The following KCNH8 variants were observed in gnomAD, a reference collection of about 807,000 sequenced individuals.
The protein encoded by KCNH8 is potassium voltage-gated channel subfamily H member 8.
KCNH8 carries 70 observed loss-of-function variants against 103.6 expected under a neutral mutation model. The observed-to-expected ratio is 0.68, with a 90% CI of 0.56 to 0.82. KCNH8 has a LOEUF of 0.82. KCNH8 is among the 40% of genes least tolerant of loss of function. The pLI is 0.00. For missense variants in KCNH8, 1,217 were observed against 1,329.9 expected, an observed-to-expected ratio of 0.92 and a Z score of 1.32; for synonymous variants, 498 against 489.4, an observed-to-expected ratio of 1.02 and a Z score of -0.23.
intron 11 of KCNH8, among the ~76,000 whole-genome samples, chr3:19,473,024 G>A (rs982422939): frequency 6.6e-6 from 1 of 152,068 alleles, no homozygotes; most frequent in Non-Finnish European, 1.5e-5. Context: ...TGGGAGTTCG[G>A]ATTATTTTTT....
chr3:19,345,225 A>G (rs1397524649), intron 4 of KCNH8, among the ~76,000 whole-genome samples: 1 of 152,088 alleles, frequency 6.6e-6, no homozygotes, highest in African/African-American at 2.4e-5. Context: ...ATCACACTAG[A>G]GCCTTGAAAA....
chr3:19,416,323 T>C (rs1328960530), intron 7 of KCNH8, among the ~76,000 whole-genome samples: 2 of 152,262 alleles, frequency 1.3e-5, no homozygotes, highest in East Asian at 1.9e-4. Context: ...TAAGACCTTA[T>C]TATTTTCTAA....
chr3:19,266,754 G>A (rs952415564), intron 2 of KCNH8, among the ~76,000 whole-genome samples: 3 of 152,104 alleles, frequency 2.0e-5, no homozygotes, highest in South Asian at 2.1e-4. Flanking sequence ...TGTTGTATAC[G>A]TCTCCCTATA....
chr3:19,444,337 T>G (rs2067330500), intron 8 of KCNH8, among the ~76,000 whole-genome samples: 1 of 151,996 alleles, frequency 6.6e-6, no homozygotes, highest in African/African-American at 2.4e-5. Context: ...CTCTTAAAAC[T>G]GTACATAAAA....
intron 5 of KCNH8, among the ~76,000 whole-genome samples, chr3:19,378,811 C>A (rs1266787774): frequency 6.6e-6 from 1 of 152,190 alleles, no homozygotes; most frequent in East Asian, 1.9e-4. Flanking sequence ...CCTTTACTCA[C>A]AAACTTCAGA....
At chr3:19,374,161 C>A (rs1406824525) in intron 5 of KCNH8, among the ~76,000 whole-genome samples, 1 of 150,206 alleles carries the variant, frequency 6.7e-6, no homozygotes, top group Non-Finnish European at 1.5e-5. Context: ...TCCTGGGTAT[C>A]CTTGTTGACT....
intron 2 of KCNH8, among the ~76,000 whole-genome samples, chr3:19,254,283 C>G (rs985676127): frequency 1.6e-4 from 24 of 151,878 alleles, no homozygotes; most frequent in Non-Finnish European, 1.0e-4. Context: ...CATCTCAATT[C>G]CAGTCATTAA....
chr3:19,316,841 T>G (rs1427189527), intron 3 of KCNH8, among the ~76,000 whole-genome samples: 1 of 151,974 alleles, frequency 6.6e-6, no homozygotes, highest in Admixed American at 6.6e-5. Context: ...TACTTTTCCT[T>G]AAGGTCAAGA....
intron 3 of KCNH8, among the ~76,000 whole-genome samples, chr3:19,338,327 T>C (rs144304552): frequency 1.7e-3 from 255 of 152,114 alleles, no homozygotes; most frequent in Middle Eastern, 6.8e-3. Flanking sequence ...CTCGACCCTA[T>C]CTTATTAACA....
chr3:19,372,924 C>T (rs536861569), intron 5 of KCNH8, among the ~76,000 whole-genome samples: 112 of 151,944 alleles, frequency 7.4e-4, no homozygotes, highest in Non-Finnish European at 1.2e-3. Context: ...TATTGATTTG[C>T]GTATATTGAA....
chr3:19,439,373 A>C lies in KCNH8; in HGVS notation c.1375+1012A>C, dbSNP rs567859948. ...TATTCTGTTTAACTAAGAGACAGCTATGATTCATAAATATACATAAAGTCT... is the reference window on the plus strand; with the variant it reads ...TATTCTGTTTAACTAAGAGACAGCTCTGATTCATAAATATACATAAAGTCT... On this transcript the variant is annotated intron_variant, in intron 8 of 15. Transcript: ENST00000328405. Among the ~76,000 whole-genome samples, 21 of 152,346 alleles carry C rather than the reference A, an allele frequency of 1.4e-4. 1 individual carries two copies. In the South Asian group the frequency reaches 4.3e-3, roughly 32 times the overall value.
intron 3 of KCNH8, among the ~76,000 whole-genome samples, chr3:19,301,846 G>A (rs949404713): frequency 5.9e-5 from 9 of 152,126 alleles, no homozygotes; most frequent in Non-Finnish European, 1.3e-4. Context: ...ATAGCTACTC[G>A]GAGAACTCAG....
chr3:19,207,113 A>G (rs1033284431), intron 1 of KCNH8, among the ~76,000 whole-genome samples: 1 of 151,966 alleles, frequency 6.6e-6, no homozygotes, highest in East Asian at 1.9e-4. Flanking sequence ...GGTGTGTAGA[A>G]AAGCAAAACA....
rs1467506707 is a variant in KCNH8 at position 19,535,131 on chromosome 3, A to G, written c.*1032A>G. The G allele has an allele frequency of 6.6e-6, 1 of 152,172 alleles. No individual in the cohort carries two copies. The highest frequency in any genetic ancestry group is 1.5e-5 in the Non-Finnish European group (1 of 68,024). The allele number at this position is 152,172 out of a possible 1,614,324, so 9.4% of individuals were successfully genotyped here. A position where few individuals can be genotyped will look rare whatever the true frequency, so the allele number is the denominator to read the frequency against. On this transcript the variant is annotated 3_prime_UTR_variant, in exon 16 of 16. Transcript: ENST00000328405. ...AAGAATCCAAAATGGGTCTGTGGAC[A>G]TAGGGCAATTTGGGGCTCAAAGTGA...
At chr3:19,498,306 C>G (rs557051364) in intron 11 of KCNH8, among the ~76,000 whole-genome samples, 3 of 152,044 alleles carry the variant, frequency 2.0e-5, no homozygotes, top group Non-Finnish European at 4.4e-5. Context: ...ATATAGATTT[C>G]TTTGTATGGC....
chr3:19,180,312 C>G (rs2063439492), intron 1 of KCNH8, among the ~76,000 whole-genome samples: 2 of 146,686 alleles, frequency 1.4e-5, no homozygotes, highest in South Asian at 4.2e-4. Context: ...AGACTCTAAT[C>G]AGAGCTAAAG....
chr3:19,528,823 G>A (rs1381964507), intron 15 of KCNH8, among the ~76,000 whole-genome samples: 5 of 152,096 alleles, frequency 3.3e-5, no homozygotes, highest in African/African-American at 1.2e-4. Context: ...TCTAGGCATT[G>A]CCTTGAGACC....
At chr3:19,289,079 T>A (rs2064879184) in intron 3 of KCNH8, among the ~76,000 whole-genome samples, 1 of 152,158 alleles carries the variant, frequency 6.6e-6, no homozygotes. Flanking sequence ...ATGGGGTTGT[T>A]TTTTTCTTGT....
chr3:19,276,982 G>A (rs182081983), intron 2 of KCNH8, among the ~76,000 whole-genome samples: 45 of 152,184 alleles, frequency 3.0e-4, no homozygotes, highest in Admixed American at 2.9e-3. Flanking sequence ...TATGGATAAA[G>A]TGTGATATAT....
Sources: allele counts gnomAD v4.1 joint callset (sites outside exome capture counted in the v4.1 genomes callset), GRCh38; gene constraint gnomAD v4.1.1; transcripts MANE v1.5; gene names NCBI Gene and HGNC (gene_info 2026-07-23, HGNC 2026-07-21).